The following FSTL5 variants were observed in gnomAD, a reference collection of about 807,000 sequenced individuals.
The protein encoded by FSTL5 is follistatin-related protein 5.
Under a neutral mutation model 89.1 loss-of-function variants are expected in FSTL5, and 62 were observed. The ratio of observed to expected loss-of-function variants is 0.70; its 90% CI spans 0.57 to 0.86. The LOEUF (loss-of-function observed/expected upper bound fraction) is 0.86. Ranked by LOEUF, FSTL5 falls within the 40% of genes least tolerant of loss-of-function variation. The pLI, the probability that FSTL5 is intolerant of heterozygous loss-of-function variation, is 0.00. For synonymous variants in FSTL5, 383 were observed against 346.2 expected, an observed-to-expected ratio of 1.11 and a Z score of -1.18; for missense variants, 1,057 against 1,001.6, an observed-to-expected ratio of 1.06 and a Z score of -0.75.
rs117605909 is a variant in FSTL5 at position 161,681,539 on chromosome 4, C to T, written c.728-25045G>A. Among the ~76,000 whole-genome samples, 904 of 152,172 alleles carry T rather than the reference C, an allele frequency of 5.9e-3. 11 individuals are homozygous for T. The highest frequency in any genetic ancestry group is 0.047 in the South Asian group (226 of 4,828). ...TACTCCAAGGTCTGCCCATGACAGTCTCCTAATAGCCCTGGCAATAAGCAG... is the reference window on the plus strand; with the variant it reads ...TACTCCAAGGTCTGCCCATGACAGTTTCCTAATAGCCCTGGCAATAAGCAG... On this transcript the variant is annotated intron_variant, in intron 6 of 15. Coordinates refer to ENST00000306100, the MANE Select transcript of FSTL5 (RefSeq NM_020116.5).
intron 1 of FSTL5, among the ~76,000 whole-genome samples, chr4:162,152,658 A>G (rs1283873895): frequency 2.0e-5 from 3 of 152,166 alleles, no homozygotes; most frequent in Admixed American, 6.6e-5. Context: ...TGTCTGGGAT[A>G]ATGAATCGTT....
At chr4:161,750,349 G>A (rs972832477) in intron 6 of FSTL5, among the ~76,000 whole-genome samples, 5 of 152,066 alleles carry the variant, frequency 3.3e-5, no homozygotes, top group African/African-American at 1.2e-4. Flanking sequence ...ATGCTGTACT[G>A]TAATAATGTA....
intron 4 of FSTL5, among the ~76,000 whole-genome samples, chr4:161,819,351 G>A (rs931089696): frequency 2.0e-5 from 3 of 151,980 alleles, no homozygotes; most frequent in African/African-American, 4.8e-5. Context: ...AGGCAAATTT[G>A]TTCACTGAGT....
intron 3 of FSTL5, among the ~76,000 whole-genome samples, chr4:161,983,542 G>A (rs1397356823): frequency 6.6e-6 from 1 of 152,068 alleles, no homozygotes; most frequent in East Asian, 1.9e-4. Context: ...ATTTTTTAAA[G>A]CTTATGTCTG....
intron 13 of FSTL5, among the ~76,000 whole-genome samples, chr4:161,461,827 T>C (rs1026298502): frequency 1.6e-4 from 24 of 152,192 alleles, no homozygotes; most frequent in African/African-American, 5.1e-4. Flanking sequence ...ACTTAATCTA[T>C]GTGTGAATGT....
At chr4:161,835,522 C>T (rs1489751476) in intron 4 of FSTL5, among the ~76,000 whole-genome samples, 1 of 151,900 alleles carries the variant, frequency 6.6e-6, no homozygotes, top group East Asian at 1.9e-4. Context: ...AGGCAACCTA[C>T]AACATGGGAG....
At chr4:161,828,026 A>G (rs72979192) in intron 4 of FSTL5, among the ~76,000 whole-genome samples, 1 of 152,190 alleles carries the variant, frequency 6.6e-6, no homozygotes, top group African/African-American at 2.4e-5. Context: ...AGTTTCCTTT[A>G]TCATGTGGAC....
At chr4:161,572,179 C>T (rs1283411383) in intron 8 of FSTL5, among the ~76,000 whole-genome samples, 1 of 151,736 alleles carries the variant, frequency 6.6e-6, no homozygotes, top group Admixed American at 6.6e-5. Context: ...ATTAGCCAGG[C>T]ATGTTGACAG....
At chr4:161,765,021 A>G (rs1187201117) in intron 5 of FSTL5, among the ~76,000 whole-genome samples, 1 of 152,198 alleles carries the variant, frequency 6.6e-6, no homozygotes, top group Non-Finnish European at 1.5e-5. Context: ...TTTCTCTGTT[A>G]AGTGATCATT....
intron 2 of FSTL5, among the ~76,000 whole-genome samples, chr4:162,068,425 A>G (rs1006671897): frequency 6.6e-6 from 1 of 152,152 alleles, no homozygotes; most frequent in African/African-American, 2.4e-5. Flanking sequence ...ATCTTCGACA[A>G]ACCTATCAAA....
rs531266237 is a variant in FSTL5, at chr4:161,968,353, TA to T, written c.161-47702del. ...ATGGACAATATAAATGCAATGTCTT[TA>T]AAAAAAAAGTCATCCTTATCTTTGT... On this transcript the variant is annotated intron_variant, in intron 3 of 15. Transcript: ENST00000306100. Among the ~76,000 whole-genome samples, 57 of 150,962 alleles carry T rather than the reference TA, an allele frequency of 3.8e-4. 1 individual carries two copies. Among genetic ancestry groups the T allele is most frequent in the South Asian group, 6.3e-4 (3 of 4,784 alleles).
chr4:161,572,783 T>G (rs1346721358), intron 8 of FSTL5, among the ~76,000 whole-genome samples: 1 of 152,118 alleles, frequency 6.6e-6, no homozygotes, highest in African/African-American at 2.4e-5. Context: ...GGTGACTGAA[T>G]GAAACAGAAC....
chr4:161,851,211 A>T (rs766989499), intron 4 of FSTL5, among the ~76,000 whole-genome samples: 2 of 152,226 alleles, frequency 1.3e-5, no homozygotes, highest in African/African-American at 4.8e-5. Context: ...CTAATACCTA[A>T]TCAGAGCCAA....
chr4:161,394,240 C>A (rs953572883), intron 15 of FSTL5, among the ~76,000 whole-genome samples: 11 of 151,952 alleles, frequency 7.2e-5, no homozygotes, highest in African/African-American at 2.7e-4. Context: ...TTAGAAAATG[C>A]TTCTTAACAT....
intron 6 of FSTL5, among the ~76,000 whole-genome samples, chr4:161,663,205 C>T (rs972486698): frequency 4.6e-5 from 7 of 152,202 alleles, no homozygotes; most frequent in African/African-American, 1.4e-4. Context: ...CTCATGTCCT[C>T]GCATTTCAAA....
At chr4:161,472,850 G>A (rs1175431164) in intron 13 of FSTL5, among the ~76,000 whole-genome samples, 1 of 151,710 alleles carries the variant, frequency 6.6e-6, no homozygotes, top group Non-Finnish European at 1.5e-5. Flanking sequence ...TCAGCCTCCT[G>A]AGTAGCTGGG....
At chr4:161,624,157 T>C (rs1165281915) in intron 7 of FSTL5, among the ~76,000 whole-genome samples, 1 of 152,052 alleles carries the variant, frequency 6.6e-6, no homozygotes, top group African/African-American at 2.4e-5. Flanking sequence ...GCCACTTTAT[T>C]CATAGTCTGA....
At chr4:161,701,951 T>C (rs1383825648) in intron 6 of FSTL5, among the ~76,000 whole-genome samples, 2 of 152,140 alleles carry the variant, frequency 1.3e-5, no homozygotes, top group Non-Finnish European at 2.9e-5. Context: ...TTTACTTCAT[T>C]ACAATGATAT....
chr4:161,992,158 C>G (rs1560956772), intron 3 of FSTL5, among the ~76,000 whole-genome samples: 1 of 152,112 alleles, frequency 6.6e-6, no homozygotes, highest in East Asian at 1.9e-4. Flanking sequence ...TCAAATTTCA[C>G]GCAAGATAAA....
Sources: allele counts gnomAD v4.1 joint callset (sites outside exome capture counted in the v4.1 genomes callset), GRCh38; gene constraint gnomAD v4.1.1; transcripts MANE v1.5; gene names NCBI Gene and HGNC (gene_info 2026-07-23, HGNC 2026-07-21).